The following CACHD1 variants were observed in gnomAD, a reference collection of about 807,000 sequenced individuals.
The protein encoded by CACHD1 is VWFA and cache domain-containing protein 1.
A neutral mutation model predicts 138.7 loss-of-function variants in CACHD1; 71 were observed. That is an observed-to-expected ratio of 0.51 (90% CI 0.42 to 0.62). CACHD1 has a LOEUF of 0.62. Among genes scored for constraint, CACHD1 ranks in the 20% least tolerant of loss-of-function variants. CACHD1 has a pLI of 0.00. For synonymous variants in CACHD1, 578 were observed against 591.5 expected, an observed-to-expected ratio of 0.98 and a Z score of 0.33; for missense variants, 1,389 against 1,625.3, an observed-to-expected ratio of 0.85 and a Z score of 2.50.
At chr1:64,475,138 A>G (rs1304693298) in intron 1 of CACHD1, among the ~76,000 whole-genome samples, 1 of 150,822 alleles carries the variant, frequency 6.6e-6, no homozygotes, top group Non-Finnish European at 1.5e-5. Context: ...GCTTCTTTGT[A>G]TGCAGTAAAA....
At chr1:64,649,903 A>C (rs1570451523) in intron 9 of CACHD1, among the ~76,000 whole-genome samples, 1 of 152,110 alleles carries the variant, frequency 6.6e-6, no homozygotes, top group Non-Finnish European at 1.5e-5. Flanking sequence ...CTGTCTTTTC[A>C]TCTTTGTGTT....
chr1:64,481,667 T>C (rs1646212257), intron 1 of CACHD1, among the ~76,000 whole-genome samples: 1 of 152,194 alleles, frequency 6.6e-6, no homozygotes, highest in South Asian at 2.1e-4. Flanking sequence ...TCCAAGTGTG[T>C]CATAAAGCAA....
At chr1:64,487,723 A>G (rs1395132985) in intron 1 of CACHD1, among the ~76,000 whole-genome samples, 1 of 152,212 alleles carries the variant, frequency 6.6e-6, no homozygotes, top group Non-Finnish European at 1.5e-5. Context: ...TGGTGGTGTT[A>G]CGTCAACCAT....
chr1:64,671,694 C>CT lies in CACHD1; in HGVS notation c.2510+11dup. 6.2e-7 allele frequency: 1 copy of CT among 1,613,852 alleles called. No homozygotes were observed. The highest frequency in any genetic ancestry group is 1.1e-5 in the South Asian group (1 of 91,050). On this transcript the variant is annotated intron_variant, in intron 17 of 26. Transcript: ENST00000651257. ...TGGTGGCAACAAAATAAGGTAAGTG[C>CT]TTTGGGGATGCTATTTCCTTTCTAG... is the stretch of plus-strand genomic sequence containing the variant.
intron 6 of CACHD1, among the ~76,000 whole-genome samples, chr1:64,632,969 G>GA (rs776059525): frequency 6.6e-5 from 10 of 152,150 alleles, no homozygotes; most frequent in Non-Finnish European, 1.2e-4. Flanking sequence ...CTCAGTTATG[G>GA]AAAATCATCT....
chr1:64,662,241 T>C (rs528865362), intron 13 of CACHD1, among the ~76,000 whole-genome samples: 1 of 152,344 alleles, frequency 6.6e-6, no homozygotes, highest in South Asian at 2.1e-4. Flanking sequence ...ACTACATCTT[T>C]AGGGGAAGGC....
chr1:64,545,803 A>G (rs984315788), intron 1 of CACHD1, among the ~76,000 whole-genome samples: 1 of 152,228 alleles, frequency 6.6e-6, no homozygotes, highest in Non-Finnish European at 1.5e-5. Flanking sequence ...AGGTGCATGC[A>G]TTAATGAGAG....
intron 13 of CACHD1, among the ~76,000 whole-genome samples, chr1:64,660,164 A>G (rs1022041819): frequency 1.3e-5 from 2 of 152,238 alleles, no homozygotes; most frequent in African/African-American, 4.8e-5. Flanking sequence ...ACTGATGTGT[A>G]GAAGCCTCTT....
intron 1 of CACHD1, among the ~76,000 whole-genome samples, chr1:64,538,128 A>G (rs920157030): frequency 5.3e-5 from 8 of 152,132 alleles, no homozygotes; most frequent in Non-Finnish European, 1.0e-4. Context: ...CGTGACAGGC[A>G]CCCTGGCTGT....
intron 1 of CACHD1, among the ~76,000 whole-genome samples, chr1:64,534,385 G>A (rs1360830996): frequency 6.6e-6 from 1 of 152,154 alleles, no homozygotes; most frequent in African/African-American, 2.4e-5. Flanking sequence ...CTGACTGTGT[G>A]TAAAATCTCA....
At chr1:64,488,569 G>A (rs941955626) in intron 1 of CACHD1, among the ~76,000 whole-genome samples, 3 of 152,160 alleles carry the variant, frequency 2.0e-5, no homozygotes, top group African/African-American at 7.2e-5. Flanking sequence ...AGCCTGCCAA[G>A]CTGTGTGTCT....
intron 9 of CACHD1, among the ~76,000 whole-genome samples, chr1:64,651,738 AGG>A (rs1168642410): frequency 6.6e-6 from 1 of 152,232 alleles, no homozygotes; most frequent in African/African-American, 2.4e-5. Flanking sequence ...ACAATACAAA[AGG>A]GGTACAGCTG....
intron 3 of CACHD1, among the ~76,000 whole-genome samples, chr1:64,595,264 A>G (rs1647140597): frequency 6.6e-6 from 1 of 152,132 alleles, no homozygotes; most frequent in Non-Finnish European, 1.5e-5. Flanking sequence ...TCCGGTCTCT[A>G]GTCCTGGGAA....
At chr1:64,648,642 A>G (rs1399450134) in intron 9 of CACHD1, among the ~76,000 whole-genome samples, 1 of 152,186 alleles carries the variant, frequency 6.6e-6, no homozygotes, top group Non-Finnish European at 1.5e-5. Flanking sequence ...TATTTCATTT[A>G]TTAAATGTAT....
intron 4 of CACHD1, among the ~76,000 whole-genome samples, chr1:64,607,840 TG>T (rs1326359132): frequency 2.6e-5 from 4 of 152,274 alleles, no homozygotes; most frequent in African/African-American, 9.6e-5. Flanking sequence ...GATCATCAGC[TG>T]AGAGTGAGGA....
chr1:64,560,516 C>G (rs1646830720), intron 2 of CACHD1, among the ~76,000 whole-genome samples: 2 of 151,680 alleles, frequency 1.3e-5, no homozygotes, highest in African/African-American at 4.8e-5. Context: ...CTTTAGATAT[C>G]TTATTGTTAT....
At chr1:64,553,013 C>G (rs572660706) in intron 2 of CACHD1, among the ~76,000 whole-genome samples, 4 of 151,794 alleles carry the variant, frequency 2.6e-5, no homozygotes, top group Non-Finnish European at 5.9e-5. Flanking sequence ...TGGAAGAACA[C>G]TTAACAAATA....
At chr1:64,677,197 G>C (rs994652568) in intron 22 of CACHD1, among the ~76,000 whole-genome samples, 186 bp downstream of exon 22, 1 of 152,072 alleles carries the variant, frequency 6.6e-6, no homozygotes, top group Non-Finnish European at 1.5e-5. Context: ...CCATATGTTA[G>C]TAGCCTCATC....
chr1:64,579,800 G>C (rs1415707164), intron 2 of CACHD1: 2 of 154,066 alleles, frequency 1.3e-5, no homozygotes, highest in East Asian at 3.9e-4. Flanking sequence ...CAGTGTGCTA[G>C]AGCCTGAAGA....
Sources: allele counts gnomAD v4.1 joint callset (sites outside exome capture counted in the v4.1 genomes callset), GRCh38; gene constraint gnomAD v4.1.1; transcripts MANE v1.5; gene names NCBI Gene and HGNC (gene_info 2026-07-23, HGNC 2026-07-21).